Variants in CBX3 observed in about 807,000 individuals in gnomAD.
The protein encoded by CBX3 is chromobox protein homolog 3.
Under a neutral mutation model 22.6 loss-of-function variants are expected in CBX3, and 5 were observed. That is an observed-to-expected ratio of 0.22 (90% CI 0.12 to 0.47). The LOEUF (loss-of-function observed/expected upper bound fraction) is 0.47. Ranked by LOEUF, CBX3 falls within the 20% of genes least tolerant of loss-of-function variation. The probability of loss-of-function intolerance (pLI) is 0.99; values close to 1 mark genes in which losing one functional copy is unlikely to be tolerated. For missense variants in CBX3, 83 were observed against 208.1 expected (o/e 0.40, Z 3.70); for synonymous variants, 50 against 66.6 (o/e 0.75, Z 1.21).
rs2128138964 is a variant in CBX3, at chr7:26,212,337, G to A, written c.*129G>A. 1 of 577,212 alleles carries A rather than the reference G, an allele frequency of 1.7e-6. No individual in the cohort carries two copies. Among genetic ancestry groups the A allele is most frequent in the East Asian group, 5.3e-5 (1 of 18,806 alleles). The allele number at this position is 577,212 out of a possible 1,614,324, so 35.8% of individuals were successfully genotyped here. A position where few individuals can be genotyped will look rare whatever the true frequency, so the allele number is the denominator to read the frequency against. On this transcript the variant is annotated 3_prime_UTR_variant, in exon 6 of 6. Coordinates refer to ENST00000396386, the MANE Select transcript of CBX3 (RefSeq NM_016587.4). ...CAAGTTTGATATGTTTGTTTTGAAA[G>A]TAGCGTTGGAAGAGTTGTTGGGGGT... is the stretch of plus-strand genomic sequence containing the variant.
At chr7:26,202,922 C>T in intron 1 of CBX3, 49 bp from the exon 2 acceptor site, 3 of 1,170,350 alleles carry the variant, frequency 2.6e-6, no homozygotes, top group Non-Finnish European at 2.5e-6. Flanking sequence ...TATTTAGTTA[C>T]CTTTTTTGTG....
intron 2 of CBX3, among the ~76,000 whole-genome samples, chr7:26,203,917 G>A (rs1784611543): frequency 6.6e-6 from 1 of 152,282 alleles, no homozygotes; most frequent in Admixed American, 6.5e-5. Flanking sequence ...TGTTTACCCT[G>A]GAAAACAGAA....
intron 3 of CBX3, chr7:26,208,035 A>G (rs1198791052): frequency 6.6e-6 from 1 of 150,510 alleles, no homozygotes; most frequent in African/African-American, 2.5e-5. Flanking sequence ...ACAAAATGAG[A>G]CCCCTTCTCT....
chr7:26,206,351 C>CT lies in CBX3; in HGVS notation c.25-13dup, dbSNP rs1562745142. On this transcript the variant is annotated splice_polypyrimidine_tract_variant and intron_variant, in intron 2 of 5. Transcript: ENST00000396386. ...TCAAGAGGAATATTTCTTAATTTCT[C>CT]TTTTGTTTTATTTTAGCAAAAAATG... The CT allele has an allele frequency of 6.5e-7, 1 of 1,542,390 alleles. No individual in the cohort carries two copies. Among genetic ancestry groups the CT allele is most frequent in the African/African-American group, 1.4e-5 (1 of 71,974 alleles).
chr7:26,205,784 T>G (rs1784662617), intron 2 of CBX3, among the ~76,000 whole-genome samples: 1 of 152,156 alleles, frequency 6.6e-6, no homozygotes, highest in African/African-American at 2.4e-5. Context: ...ATTAGTAAAC[T>G]TGGTCTTTTA....
At chr7:26,206,297 C>A (rs1784674340) in intron 2 of CBX3, 71 bp from the exon 3 acceptor site, 3 of 947,180 alleles carry the variant, frequency 3.2e-6, no homozygotes, top group Non-Finnish European at 4.8e-6. Context: ...ATAATATAAG[C>A]AATTGAGCCT....
At chr7:26,203,457 T>C (rs1029018082) in intron 2 of CBX3, among the ~76,000 whole-genome samples, 3 of 152,226 alleles carry the variant, frequency 2.0e-5, no homozygotes, top group Admixed American at 6.5e-5. Flanking sequence ...GCAAAAGTCA[T>C]TGAATCTTTC....
intron 2 of CBX3, among the ~76,000 whole-genome samples, chr7:26,204,777 T>C (rs766678994): frequency 3.9e-5 from 6 of 152,000 alleles, no homozygotes; most frequent in Non-Finnish European, 7.4e-5. Context: ...TTTTAAATAG[T>C]ATTTGGGTTT....
At chr7:26,209,051 C>T (rs1174198180) in intron 4 of CBX3, among the ~76,000 whole-genome samples, 4 of 142,744 alleles carry the variant, frequency 2.8e-5, no homozygotes, top group South Asian at 2.3e-4. Flanking sequence ...GGATTACAAG[C>T]GTGTACCACC....
In CBX3 at chr7:26,211,654, C is replaced by CT; in HGVS notation, c.331-7dup. On this transcript the variant is annotated splice_region_variant and splice_polypyrimidine_tract_variant and intron_variant, in intron 4 of 5. Transcript: ENST00000396386. ...AGTTTGCTGTATGAAAAAATGTCTT[C>CT]TAAACAGGCTGACAAACCAAGAGGA... 6.3e-7 allele frequency: 1 copy of CT among 1,580,928 alleles called. No individual in the cohort carries two copies. The highest frequency in any genetic ancestry group is 1.1e-5 in the South Asian group (1 of 87,068).
rs1784679882 is a variant in CBX3, at chr7:26,206,505, T to C, written c.162T>C (p.Phe54=). ...AATATTTCCTGAAGTGGAAGGGATT[T>C]ACAGAGTAAGAAACTTTAGTGCATC... ...KVEYFLKWKG[F]TDADNTWEPE... is the part of the protein sequence containing the mutation. The change falls in exon 3 of 6, where the codon TTT becomes TTC. Residue 54 remains phenylalanine (F), a synonymous_variant. Transcript: ENST00000396386. 1 of 1,613,450 alleles carries C rather than the reference T, an allele frequency of 6.2e-7. No homozygotes were observed. The highest frequency in any genetic ancestry group is 8.5e-7 in the Non-Finnish European group (1 of 1,179,728).
rs1250700433 is a variant in CBX3 at position 26,213,175 on chromosome 7, GTT to G, written c.*972_*973del. ...TGTAACCTAACCTATTGACCTGCATGTTTTTTCTTTACCCCAATTCATTACAT... is the reference window on the plus strand; with the variant it reads ...TGTAACCTAACCTATTGACCTGCATGTTTTCTTTACCCCAATTCATTACAT... On this transcript the variant is annotated 3_prime_UTR_variant, in exon 6 of 6. Coordinates refer to ENST00000396386, the MANE Select transcript of CBX3 (RefSeq NM_016587.4). 6.5e-6 allele frequency: 1 copy of G among 152,690 alleles called. No individual in the cohort carries two copies. Among genetic ancestry groups the G allele is most frequent in the Non-Finnish European group, 1.5e-5 (1 of 68,048 alleles). 9.5% of individuals were successfully genotyped at this position (152,690 alleles called of 1,614,324 possible).
intron 5 of CBX3, 21 bp from the exon 6 acceptor site, chr7:26,212,060 AT>A: frequency 6.7e-7 from 1 of 1,495,854 alleles, no homozygotes; most frequent in South Asian, 1.4e-5. Context: ...TTGTAACTGA[AT>A]TTTTCTTTTT....
At position 26,206,530 on chromosome 7, in the gene CBX3, CT is replaced by C. The variant is rs1270056495; in HGVS notation, c.167+23del. The C allele has an allele frequency of 1.9e-6, 3 of 1,609,320 alleles. No individual in the cohort carries two copies. The highest frequency in any genetic ancestry group is 2.5e-6 in the Non-Finnish European group (3 of 1,176,962). Reference sequence around the variant, plus strand: ...TACAGAGTAAGAAACTTTAGTGCATCTTTACTATATGTTTAACTGCAGCTAA... The same window carrying C: ...TACAGAGTAAGAAACTTTAGTGCATCTTACTATATGTTTAACTGCAGCTAA... On this transcript the variant is annotated intron_variant, in intron 3 of 5. Transcript: ENST00000396386.
rs200791010 is a variant in CBX3, at chr7:26,211,748, C to T, written c.417C>T (p.Leu139=). The T allele has an allele frequency of 6.3e-7, 1 of 1,599,938 alleles. No homozygotes were observed. The highest frequency in any genetic ancestry group is 1.3e-5 in the African/African-American group (1 of 74,252). The change falls in exon 5 of 6, where the codon CTC becomes CTT. Residue 139 remains leucine, a synonymous_variant. Coordinates refer to ENST00000396386, the MANE Select transcript of CBX3 (RefSeq NM_016587.4). The stretch of plus-strand genomic sequence containing the variant: ...ACAGCAGTGGAGAATTGATGTTTCT[C>T]ATGAAATGGTGAGTATGCAGAGATT... The part of the protein sequence containing the change: ...ATDSSGELMF[L]MKWKDSDEAD...
At chr7:26,206,826 C>G (rs569536839) in intron 3 of CBX3, among the ~76,000 whole-genome samples, 1 of 152,086 alleles carries the variant, frequency 6.6e-6, no homozygotes, top group African/African-American at 2.4e-5. Context: ...GCATTATTTT[C>G]CTCCACACAG....
intron 2 of CBX3, chr7:26,206,113 AATAACTGT>A: frequency 2.8e-6 from 1 of 355,076 alleles, no homozygotes; most frequent in South Asian, 3.6e-5. Context: ...ACTGGAAAAA[AATAACTGT>A]TTCCAGATAG....
chr7:26,203,079 C>T (rs1484954788), intron 2 of CBX3, 57 bp downstream of exon 2: 1 of 1,164,268 alleles, frequency 8.6e-7, no homozygotes, highest in Non-Finnish European at 1.2e-6. Context: ...TTTTTCCCCA[C>T]AGTATAACTT....
In CBX3 at chr7:26,202,834, C is replaced by T. The variant is rs868416143; in HGVS notation, c.-28-137C>T. 22 of 691,056 alleles carry T rather than the reference C, an allele frequency of 3.2e-5. No homozygotes were observed. In the Middle Eastern group the frequency reaches 2.4e-3, roughly 74 times the overall value. The allele number at this position is 691,056 out of a possible 1,614,324, so 42.8% of individuals were successfully genotyped here. A position where few individuals can be genotyped will look rare whatever the true frequency, so the allele number is the denominator to read the frequency against. ...ACATCATAAGCAATGTAGGTAGGAG[C>T]GCAGATCTACTCTGGATTTGTATTC... On this transcript the variant is annotated intron_variant, in intron 1 of 5. Transcript: ENST00000396386.
Sources: allele counts gnomAD v4.1 joint callset (sites outside exome capture counted in the v4.1 genomes callset), GRCh38; gene constraint gnomAD v4.1.1; transcripts MANE v1.5; gene names NCBI Gene and HGNC (gene_info 2026-07-23, HGNC 2026-07-21).